The following PPM1L variants were observed in gnomAD, a reference collection of about 807,000 sequenced individuals.
The protein encoded by PPM1L is protein phosphatase 1L.
Under a neutral mutation model 31.4 loss-of-function variants are expected in PPM1L, and 13 were observed. The observed-to-expected ratio is 0.41, with a 90% confidence interval of 0.27 to 0.66. The LOEUF is 0.66. Ranked by LOEUF, PPM1L falls within the 30% of genes least tolerant of loss-of-function variation. The pLI, the probability that PPM1L is intolerant of heterozygous loss-of-function variation, is 0.29. For synonymous variants in PPM1L, 184 were observed against 175.4 expected (o/e 1.05, Z -0.39); for missense variants, 326 against 453.7 (o/e 0.72, Z 2.56).
At chr3:160,856,696 A>G (rs989561757) in intron 1 of PPM1L, among the ~76,000 whole-genome samples, 1 of 152,068 alleles carries the variant, frequency 6.6e-6, no homozygotes, top group Non-Finnish European at 1.5e-5. Flanking sequence ...AAAACTGCCT[A>G]TCAGATACCA....
chr3:160,952,263 A>T (rs978144656), intron 1 of PPM1L, among the ~76,000 whole-genome samples: 2 of 152,182 alleles, frequency 1.3e-5, no homozygotes, highest in African/African-American at 2.4e-5. Flanking sequence ...AAAGTTAATG[A>T]TATGTTACCG....
At chr3:161,068,005 G>C (rs1719789142) in intron 3 of PPM1L, among the ~76,000 whole-genome samples, 1 of 152,176 alleles carries the variant, frequency 6.6e-6, no homozygotes, top group Non-Finnish European at 1.5e-5. Context: ...GAAAGGTCTG[G>C]ATCTTGTATA....
chr3:161,036,178 C>T (rs1316278011), intron 2 of PPM1L: 1 of 152,210 alleles, frequency 6.6e-6, no homozygotes, highest in Non-Finnish European at 1.5e-5. Context: ...GGTATAATCA[C>T]TAACTTCACA....
chr3:160,988,641 A>G (rs1717038935), intron 2 of PPM1L, among the ~76,000 whole-genome samples: 1 of 152,166 alleles, frequency 6.6e-6, no homozygotes. Context: ...ATGTTTTCTA[A>G]TCTTCCTTTC....
intron 1 of PPM1L, among the ~76,000 whole-genome samples, chr3:160,839,199 T>C (rs1713797837): frequency 6.6e-6 from 1 of 152,246 alleles, no homozygotes; most frequent in African/African-American, 2.4e-5. Flanking sequence ...GGTAATTGGT[T>C]ATAGTGACAG....
intron 1 of PPM1L, among the ~76,000 whole-genome samples, chr3:160,929,901 C>A (rs1714727438): frequency 6.6e-6 from 1 of 152,170 alleles, no homozygotes; most frequent in African/African-American, 2.4e-5. Context: ...GCTCTTCCAG[C>A]TTTTCCAGGC....
intron 1 of PPM1L, among the ~76,000 whole-genome samples, chr3:160,948,331 A>AAG (rs771964924): frequency 0.36 from 54,685 of 151,908 alleles, 12,592 homozygotes; most frequent in Non-Finnish European, 0.52. Flanking sequence ...CTCTTGCTAA[A>AAG]ATAAGATACC....
chr3:160,832,534 C>A (rs903537542), intron 1 of PPM1L, among the ~76,000 whole-genome samples: 7 of 151,868 alleles, frequency 4.6e-5, no homozygotes, highest in African/African-American at 1.7e-4. Context: ...TTTTATGAGT[C>A]CCAAAAACAA....
rs1046202679 is a variant in PPM1L, at chr3:161,017,402, G to C, written c.575-48001G>C. Among the ~76,000 whole-genome samples, 6 of 152,266 alleles carry C rather than the reference G, an allele frequency of 3.9e-5. No homozygotes were observed. The East Asian group carries it at 1.2e-3, about 29-fold the overall frequency. On this transcript the variant is annotated intron_variant, in intron 2 of 3. Transcript: ENST00000498165. ...TGAGCATCTTGACACAATTGATTAT[G>C]TTGATTGGCTCTTCAGTAGCATTTT...
chr3:161,030,700 T>C (rs1031378298), intron 2 of PPM1L, among the ~76,000 whole-genome samples: 3 of 151,932 alleles, frequency 2.0e-5, no homozygotes, highest in Non-Finnish European at 4.4e-5. Context: ...TGCTTCCAAA[T>C]ATGTTTTTCA....
At position 160,808,407 on chromosome 3, in the gene PPM1L, G is replaced by GCGCGCGCGCGCA. The variant is rs1429088396; in HGVS notation, c.399+51700_399+51701insCGCGCGCGCGCA. On this transcript the variant is annotated intron_variant, in intron 1 of 3. Transcript: ENST00000498165. ...CCTGTGTGTGTGTGTGTGTGTGTGT[G>GCGCGCGCGCGCA]TGTGTGTGTGTGTGTGGTGGGTGAG... Among the ~76,000 whole-genome samples, 24 of 149,380 alleles carry GCGCGCGCGCGCA rather than the reference G, an allele frequency of 1.6e-4. 2 individuals are homozygous for GCGCGCGCGCGCA. The highest frequency in any genetic ancestry group is 5.3e-4 in the African/African-American group (21 of 39,700).
At position 160,814,499 on chromosome 3, in the gene PPM1L, A is replaced by ATG. The variant is rs1466059186; in HGVS notation, c.399+57793_399+57794insGT. Among the ~76,000 whole-genome samples, 6 of 128,330 alleles carry ATG rather than the reference A, an allele frequency of 4.7e-5. 1 individual carries two copies. Among genetic ancestry groups the ATG allele is most frequent in the African/African-American group, 2.1e-4 (6 of 28,804 alleles). The allele number at this position is 128,330 out of a possible 152,430, so 84.2% of individuals were successfully genotyped here. ...TATACACACACACACACACACACATATATGTATGTGTATATATATACACAC... is the reference window on the plus strand; with the variant it reads ...TATACACACACACACACACACACATATGTATGTATGTGTATATATATACACAC... On this transcript the variant is annotated intron_variant, in intron 1 of 3. Transcript: ENST00000498165.
intron 1 of PPM1L, among the ~76,000 whole-genome samples, chr3:160,828,374 T>C (rs537842411): frequency 2.2e-4 from 34 of 152,210 alleles, no homozygotes; most frequent in Admixed American, 7.9e-4. Context: ...GTGTTTAGAA[T>C]TGGTACTATC....
intron 1 of PPM1L, among the ~76,000 whole-genome samples, chr3:160,815,986 G>A (rs970406431): frequency 1.3e-5 from 2 of 152,080 alleles, no homozygotes; most frequent in Non-Finnish European, 2.9e-5. Flanking sequence ...AAACACAGTT[G>A]ATTTACCTGA....
chr3:160,945,986 G>A (rs780082013), intron 1 of PPM1L, among the ~76,000 whole-genome samples: 2 of 152,164 alleles, frequency 1.3e-5, no homozygotes, highest in Non-Finnish European at 2.9e-5. Flanking sequence ...TGGTAAGGCT[G>A]TCATTCAACA....
chr3:161,054,004 C>G (rs895743336), intron 2 of PPM1L, among the ~76,000 whole-genome samples: 1 of 152,128 alleles, frequency 6.6e-6, no homozygotes, highest in Admixed American at 6.6e-5. Flanking sequence ...TGCTCTTTAG[C>G]ACATGATGAG....
intron 2 of PPM1L, among the ~76,000 whole-genome samples, chr3:160,997,148 T>C (rs1165063675): frequency 6.6e-6 from 1 of 152,114 alleles, no homozygotes; most frequent in Non-Finnish European, 1.5e-5. Context: ...CAAAGATTTC[T>C]GAGGTGGTTC....
At chr3:160,967,174 A>G (rs1716177670) in intron 2 of PPM1L, among the ~76,000 whole-genome samples, 1 of 151,918 alleles carries the variant, frequency 6.6e-6, no homozygotes, top group African/African-American at 2.4e-5. Flanking sequence ...GTATGCCACC[A>G]TGTAAGACAT....
intron 1 of PPM1L, among the ~76,000 whole-genome samples, chr3:160,760,697 A>G (rs1042444324): frequency 1.2e-4 from 18 of 151,892 alleles, no homozygotes; most frequent in Non-Finnish European, 1.3e-4. Flanking sequence ...ATTTTTATCT[A>G]CAGGCAAAAG....
Sources: allele counts gnomAD v4.1 joint callset (sites outside exome capture counted in the v4.1 genomes callset), GRCh38; gene constraint gnomAD v4.1.1; transcripts MANE v1.5; gene names NCBI Gene and HGNC (gene_info 2026-07-23, HGNC 2026-07-21).